The following GALNT13 variants were observed in gnomAD, a reference collection of about 807,000 sequenced individuals.
GALNT13 encodes UDP-GalNAc:polypeptide N-acetylgalactosaminyltransferase 13.
GALNT13 carries 28 observed loss-of-function variants against 64.2 expected under a neutral mutation model. The observed-to-expected ratio is 0.44, with a 90% CI of 0.32 to 0.60. GALNT13 has a LOEUF of 0.60. Among genes scored for constraint, GALNT13 ranks in the 20% least tolerant of loss-of-function variants. The probability of loss-of-function intolerance (pLI) is 0.05; values close to 1 mark genes in which losing one functional copy is unlikely to be tolerated. For missense variants in GALNT13, 577 were observed against 669.8 expected, an observed-to-expected ratio of 0.86 and a Z score of 1.53; for synonymous variants, 214 against 224.6, an observed-to-expected ratio of 0.95 and a Z score of 0.42.
intron 9 of GALNT13, among the ~76,000 whole-genome samples, chr2:154,345,709 G>A (rs1696031802): frequency 6.6e-6 from 1 of 151,904 alleles, no homozygotes; most frequent in South Asian, 2.1e-4. Flanking sequence ...AGCCTCTTCT[G>A]GGAACTCCAC....
At chr2:153,630,119 A>G in the GALNT13 span, among the ~76,000 whole-genome samples, 1 of 150,730 alleles carries the variant, frequency 6.6e-6, no homozygotes, top group Non-Finnish European at 1.5e-5. Context: ...AACTAGAAAT[A>G]CCATTTGACC....
chr2:153,538,324 T>TTTTTTTTTTTTTTTTTTTA, the GALNT13 span, among the ~76,000 whole-genome samples: 1 of 79,784 alleles, frequency 1.3e-5, no homozygotes, highest in South Asian at 4.5e-4. Context: ...TTTTTTTTAA[T>TTTTTTTTTTTTTTTTTTTA]TCTTTTTTTT....
chr2:153,613,959 T>G, the GALNT13 span, among the ~76,000 whole-genome samples: 20 of 152,042 alleles, frequency 1.3e-4, no homozygotes, highest in Non-Finnish European at 2.5e-4. Context: ...CACGTATACA[T>G]ATGTAAGAAA....
At chr2:153,356,789 C>CTT in the GALNT13 span, among the ~76,000 whole-genome samples, 13 of 104,888 alleles carry the variant, frequency 1.2e-4, no homozygotes, top group East Asian at 3.1e-4. Flanking sequence ...TCTTCTTCCT[C>CTT]TTTTTTTTTT....
chr2:153,551,420 C>A, the GALNT13 span, among the ~76,000 whole-genome samples: 1 of 151,932 alleles, frequency 6.6e-6, no homozygotes, highest in African/African-American at 2.4e-5. Context: ...CGTATGGAGA[C>A]CAGGGCAGAA....
At chr2:153,363,450 G>T in the GALNT13 span, among the ~76,000 whole-genome samples, 1 of 151,976 alleles carries the variant, frequency 6.6e-6, no homozygotes, top group Non-Finnish European at 1.5e-5. Flanking sequence ...CCAGGAGCTG[G>T]TTTTTTGAAA....
chr2:153,090,219 C>G, the GALNT13 span, among the ~76,000 whole-genome samples: 2 of 152,114 alleles, frequency 1.3e-5, no homozygotes, highest in East Asian at 3.9e-4. Context: ...ATTGTTATTG[C>G]TCTCTTGGGT....
chr2:153,726,099 A>G, the GALNT13 span, among the ~76,000 whole-genome samples: 149 of 152,306 alleles, frequency 9.8e-4, no homozygotes, highest in African/African-American at 3.5e-3. Flanking sequence ...TAACATTTTA[A>G]TGTATATTTG....
chr2:153,550,711 T>G, the GALNT13 span, among the ~76,000 whole-genome samples: 1 of 152,228 alleles, frequency 6.6e-6, no homozygotes, highest in South Asian at 2.1e-4. Flanking sequence ...CTTGCCTGTT[T>G]GGTAATGCTT....
the GALNT13 span, among the ~76,000 whole-genome samples, chr2:153,168,852 A>G: frequency 1.3e-5 from 2 of 152,150 alleles, no homozygotes. Context: ...CCAAATGTCA[A>G]TTCATATACT....
downstream of GALNT13, among the ~76,000 whole-genome samples, chr2:154,456,107 CA>C (rs1702029039): frequency 6.7e-6 from 1 of 149,660 alleles, no homozygotes; most frequent in Non-Finnish European, 1.5e-5. Context: ...AAAAATAGCA[CA>C]AGGGGGAAAA....
chr2:154,045,014 G>C (rs370822020), intron 3 of GALNT13, among the ~76,000 whole-genome samples: 2 of 152,106 alleles, frequency 1.3e-5, no homozygotes, highest in Admixed American at 6.6e-5. Context: ...AAAACAGAGG[G>C]CTTCTGAGCT....
chr2:154,227,600 G>A (rs978481869), intron 4 of GALNT13, among the ~76,000 whole-genome samples: 2 of 150,798 alleles, frequency 1.3e-5, no homozygotes, highest in Admixed American at 6.7e-5. Context: ...TTGTCCTTGC[G>A]ATAGTTTGCT....
the GALNT13 span, among the ~76,000 whole-genome samples, chr2:153,252,938 G>C: frequency 9.9e-5 from 15 of 152,182 alleles, no homozygotes; most frequent in African/African-American, 3.6e-4. Context: ...GCTTAGGATT[G>C]ACTTGGCGAT....
At chr2:154,253,747 C>T (rs1018438207) in intron 7 of GALNT13, among the ~76,000 whole-genome samples, 3 of 152,118 alleles carry the variant, frequency 2.0e-5, no homozygotes, top group Non-Finnish European at 4.4e-5. Context: ...TTAGCAGGTG[C>T]GAGCAAAGAA....
At chr2:154,054,700 T>C (rs561037995) in intron 3 of GALNT13, among the ~76,000 whole-genome samples, 1 of 152,032 alleles carries the variant, frequency 6.6e-6, no homozygotes, top group African/African-American at 2.4e-5. Context: ...CTTCATAATT[T>C]TGGTTCATAA....
At chr2:154,028,336 AT>A (rs1225729980) in intron 3 of GALNT13, among the ~76,000 whole-genome samples, 5 of 151,896 alleles carry the variant, frequency 3.3e-5, no homozygotes, top group Non-Finnish European at 7.4e-5. Context: ...CATGAATATT[AT>A]TTTTTCCCAA....
At chr2:153,413,897 T>C in the GALNT13 span, among the ~76,000 whole-genome samples, 2 of 152,176 alleles carry the variant, frequency 1.3e-5, no homozygotes, top group African/African-American at 4.8e-5. Flanking sequence ...CACAATTGAT[T>C]CAGAATGTAT....
chr2:153,967,900 G>A (rs1312734158), intron 3 of GALNT13, among the ~76,000 whole-genome samples: 2 of 152,036 alleles, frequency 1.3e-5, no homozygotes, highest in African/African-American at 2.4e-5. Context: ...AGCAAAGGTC[G>A]GGAATTAGGC....
Sources: gnomAD v4.1 joint callset for allele counts (sites outside exome capture counted in the v4.1 genomes callset) on GRCh38, gnomAD v4.1.1 for gene constraint, MANE v1.5 for transcripts, NCBI Gene and HGNC (gene_info 2026-07-23, HGNC 2026-07-21) for gene names.